The following ABTB2 variants were observed in gnomAD, a reference collection of about 807,000 sequenced individuals.
ABTB2 encodes the protein ankyrin repeat and BTB domain containing 2, also known as ankyrin repeat and BTB/POZ domain-containing protein 2.
In ABTB2, 56 loss-of-function variants were observed where a neutral mutation model predicts 104.1. The ratio of observed to expected loss-of-function variants is 0.54; its 90% CI spans 0.43 to 0.67. ABTB2 has a LOEUF of 0.67. Ranked by LOEUF, ABTB2 falls within the 30% of genes least tolerant of loss-of-function variation. The pLI, the probability that ABTB2 is intolerant of heterozygous loss-of-function variation, is 0.00. For synonymous variants in ABTB2, 606 were observed against 608.2 expected (o/e 1.00, Z 0.05); for missense variants, 1,279 against 1,407.7 (o/e 0.91, Z 1.46).
At chr11:34,213,444 G>A (rs867107012) in intron 1 of ABTB2, among the ~76,000 whole-genome samples, 15 of 152,304 alleles carry the variant, frequency 9.8e-5, no homozygotes, top group Middle Eastern at 3.4e-3. Context: ...CGCTGCCACT[G>A]CACTCCAGCC....
At chr11:34,245,256 A>G (rs528749463) in intron 1 of ABTB2, among the ~76,000 whole-genome samples, 5 of 152,180 alleles carry the variant, frequency 3.3e-5, no homozygotes, top group African/African-American at 1.2e-4. Flanking sequence ...TGATATGCCT[A>G]CCCCACCACA....
chr11:34,312,604 T>A (rs1854870893), intron 1 of ABTB2, among the ~76,000 whole-genome samples: 1 of 152,212 alleles, frequency 6.6e-6, no homozygotes, highest in African/African-American at 2.4e-5. Context: ...AGGGTCAGAT[T>A]GGTTTGCAAT....
intron 1 of ABTB2, among the ~76,000 whole-genome samples, chr11:34,265,960 A>G (rs1040814180): frequency 1.3e-5 from 2 of 152,108 alleles, no homozygotes; most frequent in African/African-American, 4.8e-5. Flanking sequence ...AAAGAGCAAA[A>G]CTCCATCTCA....
intron 1 of ABTB2, among the ~76,000 whole-genome samples, chr11:34,205,060 CT>C (rs1257819928): frequency 2.0e-5 from 3 of 152,188 alleles, no homozygotes; most frequent in African/African-American, 7.2e-5. Context: ...CATTCATTCA[CT>C]CGCTCGTTGA....
In ABTB2 at chr11:34,152,599, G is replaced by C; in HGVS notation, c.2881-15C>G. On this transcript the variant is annotated splice_polypyrimidine_tract_variant and intron_variant, in intron 16 of 16. Coordinates refer to ENST00000435224, the MANE Select transcript of ABTB2 (RefSeq NM_145804.3). ...GCATTGTGGATCTGTAGGGCAGAGA[G>C]AGGAGGGGTGAAGCCCATCGCCTTA... 6.3e-7 allele frequency: 1 copy of C among 1,595,826 alleles called. No homozygotes were observed. Among genetic ancestry groups the C allele is most frequent in the African/African-American group, 1.3e-5 (1 of 74,700 alleles).
intron 1 of ABTB2, among the ~76,000 whole-genome samples, chr11:34,222,952 T>C (rs1489265295): frequency 6.6e-6 from 1 of 152,206 alleles, no homozygotes; most frequent in Non-Finnish European, 1.5e-5. Flanking sequence ...TTCTTCTTGC[T>C]GCCCTGGGCA....
chr11:34,197,559 C>A (rs746860783), intron 2 of ABTB2, 21 bp from the exon 3 acceptor site: 2 of 1,476,952 alleles, frequency 1.4e-6, no homozygotes, highest in East Asian at 2.3e-5. Context: ...GCGGGGAGGG[C>A]AGAGGGGAGG....
intron 1 of ABTB2, among the ~76,000 whole-genome samples, chr11:34,222,209 G>A (rs756922136): frequency 6.6e-5 from 10 of 152,196 alleles, no homozygotes; most frequent in Non-Finnish European, 1.3e-4. Context: ...TGTCTGGGTT[G>A]CATAAGAGGT....
At chr11:34,166,708 C>T (rs1283620567) in intron 7 of ABTB2, among the ~76,000 whole-genome samples, 1 of 152,230 alleles carries the variant, frequency 6.6e-6, no homozygotes, top group African/African-American at 2.4e-5. Flanking sequence ...AGCTGCTCTG[C>T]CCACAGCTTC....
At chr11:34,233,638 C>G (rs1464998054) in intron 1 of ABTB2, among the ~76,000 whole-genome samples, 1 of 126,266 alleles carries the variant, frequency 7.9e-6, no homozygotes, top group Non-Finnish European at 1.7e-5. Flanking sequence ...GCATGAACCA[C>G]TGTACCTGGC....
intron 1 of ABTB2, among the ~76,000 whole-genome samples, chr11:34,336,650 A>C (rs912940133): frequency 1.3e-5 from 2 of 152,054 alleles, no homozygotes; most frequent in African/African-American, 4.8e-5. Flanking sequence ...CTCAAAAAAA[A>C]ACAAAACAAA....
chr11:34,326,361 A>G (rs886990135), intron 1 of ABTB2, among the ~76,000 whole-genome samples: 3 of 152,198 alleles, frequency 2.0e-5, no homozygotes, highest in Admixed American at 6.5e-5. Context: ...AGTGGCTCAC[A>G]TTTGTAATCC....
chr11:34,336,452 C>T (rs140097972), intron 1 of ABTB2, among the ~76,000 whole-genome samples: 3 of 152,118 alleles, frequency 2.0e-5, no homozygotes, highest in African/African-American at 7.2e-5. Context: ...ACTAGCCTGG[C>T]CAACATAGTG....
intron 1 of ABTB2, among the ~76,000 whole-genome samples, chr11:34,286,639 C>T (rs1047334940): frequency 2.6e-5 from 4 of 152,218 alleles, no homozygotes; most frequent in South Asian, 2.1e-4. Flanking sequence ...TAGGTTCCTT[C>T]GCCAGCACCC....
chr11:34,199,993 C>T (rs533700852), intron 2 of ABTB2, among the ~76,000 whole-genome samples: 1 of 152,296 alleles, frequency 6.6e-6, no homozygotes, highest in South Asian at 2.1e-4. Context: ...GGAGTCTGCA[C>T]CCTGAAATGC....
chr11:34,306,236 A>ATTTT lies in ABTB2; in HGVS notation c.883+50461_883+50464dup, dbSNP rs34872949. On this transcript the variant is annotated intron_variant, in intron 1 of 16. Coordinates refer to ENST00000435224, the MANE Select transcript of ABTB2 (RefSeq NM_145804.3). ...TCCCACTAGCTGCCTGGAAAGTTTGATTTTTTTTTTTTTTTTTTTTTTTTT... is the reference window on the plus strand; with the variant it reads ...TCCCACTAGCTGCCTGGAAAGTTTGATTTTTTTTTTTTTTTTTTTTTTTTTTTTT... 3.2e-3 allele frequency among the ~76,000 whole-genome samples: 231 copies of ATTTT among 71,968 alleles called. 24 individuals carry two copies. The highest frequency in any genetic ancestry group is 0.01 in the East Asian group (20 of 1,944). 47.2% of individuals were successfully genotyped at this position (71,968 alleles called of 152,430 possible).
intron 1 of ABTB2, among the ~76,000 whole-genome samples, chr11:34,239,353 T>A (rs1190929209): frequency 6.6e-6 from 1 of 151,752 alleles, no homozygotes; most frequent in Non-Finnish European, 1.5e-5. Context: ...TTAAATTTAT[T>A]TTTTTTTGGA....
chr11:34,351,986 T>C (rs1855405212), intron 1 of ABTB2, among the ~76,000 whole-genome samples: 1 of 152,192 alleles, frequency 6.6e-6, no homozygotes, highest in Non-Finnish European at 1.5e-5. Context: ...TTACCAACTC[T>C]CTTGGCTTTA....
At chr11:34,308,880 A>AAAAG (rs1564929346) in intron 1 of ABTB2, among the ~76,000 whole-genome samples, 1 of 151,068 alleles carries the variant, frequency 6.6e-6, no homozygotes, top group African/African-American at 2.4e-5. Flanking sequence ...AAAAAAAAAA[A>AAAAG]AAAAAAAGAA....
Sources: allele counts gnomAD v4.1 joint callset (sites outside exome capture counted in the v4.1 genomes callset), GRCh38; gene constraint gnomAD v4.1.1; transcripts MANE v1.5; gene names NCBI Gene and HGNC (gene_info 2026-07-23, HGNC 2026-07-21).